The following ODF2 variants were observed in gnomAD, a reference collection of about 807,000 sequenced individuals.
ODF2 encodes the protein outer dense fiber protein 2.
A neutral mutation model predicts 110.2 loss-of-function variants in ODF2; 47 were observed. The observed-to-expected ratio is 0.43, with a 90% CI of 0.34 to 0.54. The LOEUF (loss-of-function observed/expected upper bound fraction) is 0.54. Among genes scored for constraint, ODF2 ranks in the 20% least tolerant of loss-of-function variants. The probability of loss-of-function intolerance (pLI) is 0.03; values close to 1 mark genes in which losing one functional copy is unlikely to be tolerated. For synonymous variants in ODF2, 352 were observed against 397.7 expected, an observed-to-expected ratio of 0.89 and a Z score of 1.37; for missense variants, 812 against 1,054.5, an observed-to-expected ratio of 0.77 and a Z score of 3.19.
exon 21 of ODF2, chr9:128,500,248 C>T (rs1846323492): frequency 3.7e-6 from 6 of 1,614,184 alleles, no homozygotes; most frequent in Non-Finnish European, 5.1e-6. Context: ...CGATCTCCTC[C>T]TGCCTGAGGC....
rs1377093503 is a variant in ODF2 at position 128,456,973 on chromosome 9, T to G, written c.-208-225T>G. ...CCGCCCCAGCATCCCCGCGGCTCCCTGCGCGGTTCTGGCCCTCTGGGGCCC... is the reference window on the plus strand; with the variant it reads ...CCGCCCCAGCATCCCCGCGGCTCCCGGCGCGGTTCTGGCCCTCTGGGGCCC... On this transcript the variant is annotated intron_variant, in intron 1 of 20. Coordinates refer to ENST00000604420, the Ensembl canonical transcript of ODF2. 59 of 1,235,474 alleles carry G rather than the reference T, an allele frequency of 4.8e-5. No homozygotes were observed. The East Asian group carries it at 2.7e-3, about 58-fold the overall frequency. 76.5% of individuals were successfully genotyped at this position (1,235,474 alleles called of 1,614,324 possible).
intron 4 of ODF2, chr9:128,461,366 A>G (rs995995042): frequency 6.0e-6 from 2 of 334,218 alleles, no homozygotes; most frequent in African/African-American, 4.1e-5. Context: ...TAGAGGCAGT[A>G]CTCTTAGCCT....
At chr9:128,492,145 G>C (rs977379709) in intron 14 of ODF2, among the ~76,000 whole-genome samples, 2 of 152,148 alleles carry the variant, frequency 1.3e-5, no homozygotes, top group African/African-American at 4.8e-5. Flanking sequence ...GATTATAGGC[G>C]TGAGCCACCG....
chr9:128,455,934 G>C (rs10819384), upstream of ODF2: 2 of 1,401,794 alleles, frequency 1.4e-6, no homozygotes, highest in African/African-American at 3.0e-5. Flanking sequence ...GGCGAGACCC[G>C]GCCAGGCCCG....
chr9:128,500,226 C>T (rs1245114121), exon 21 of ODF2: 1 of 1,614,100 alleles, frequency 6.2e-7, no homozygotes, highest in Non-Finnish European at 8.5e-7. Context: ...GACTAGCTCT[C>T]CCATCCGCTC....
chr9:128,479,917 G>GGTT (rs965040978), intron 8 of ODF2, among the ~76,000 whole-genome samples: 2 of 152,210 alleles, frequency 1.3e-5, no homozygotes, highest in African/African-American at 4.8e-5. Flanking sequence ...TAATGGTGAT[G>GGTT]GTTGTACAGT....
chr9:128,487,950 G>T (rs761794675), exon 14 of ODF2: 56 of 1,613,896 alleles, frequency 3.5e-5, no homozygotes, highest in Non-Finnish European at 4.3e-5. Context: ...GGGAAGACCG[G>T]GATAGCCTGG....
At chr9:128,492,608 C>A in intron 15 of ODF2, 72 bp downstream of exon 15, 1 of 1,515,824 alleles carries the variant, frequency 6.6e-7, no homozygotes, top group Non-Finnish European at 9.1e-7. Context: ...GGGCTCCCTA[C>A]CAGGCCACTC....
At chr9:128,471,193 C>T (rs1216309434) in intron 5 of ODF2, 115 bp from the exon 6 acceptor site, 141 of 1,068,836 alleles carry the variant, frequency 1.3e-4, no homozygotes, top group Admixed American at 3.9e-4. Flanking sequence ...GGATTACAGG[C>T]GTGAGCCACC....
intron 8 of ODF2, among the ~76,000 whole-genome samples, chr9:128,476,856 C>T (rs1350608299): frequency 6.6e-6 from 1 of 151,540 alleles, no homozygotes; most frequent in Non-Finnish European, 1.5e-5. Flanking sequence ...TCAGGCTGGT[C>T]TCGAACTCCT....
intron 6 of ODF2, among the ~76,000 whole-genome samples, chr9:128,472,166 G>C (rs1380587753): frequency 6.6e-6 from 1 of 151,968 alleles, no homozygotes; most frequent in African/African-American, 2.4e-5. Context: ...TATAATCCTA[G>C]CTACTCTGGA....
chr9:128,457,232 G>T, exon 2 of ODF2: 1 of 1,587,296 alleles, frequency 6.3e-7, no homozygotes, highest in Non-Finnish European at 8.5e-7. Context: ...GTAGAGGAGC[G>T]CCTCCCAAGT....
At chr9:128,489,428 G>A (rs960527137) in intron 14 of ODF2, among the ~76,000 whole-genome samples, 1 of 152,130 alleles carries the variant, frequency 6.6e-6, no homozygotes, top group East Asian at 1.9e-4. Flanking sequence ...TAATACCCCT[G>A]TAAAGGTAAC....
At chr9:128,468,768 C>T (rs1306578172) in intron 4 of ODF2, among the ~76,000 whole-genome samples, 1 of 152,072 alleles carries the variant, frequency 6.6e-6, no homozygotes, top group East Asian at 1.9e-4. Flanking sequence ...GTCATCCACC[C>T]GCCTCAGCCT....
At chr9:128,460,753 G>A in intron 3 of ODF2, 87 bp downstream of exon 3, 1 of 1,563,018 alleles carries the variant, frequency 6.4e-7, no homozygotes, top group Non-Finnish European at 8.7e-7. Context: ...GACTCCAAAG[G>A]TTTGGGAGAC....
chr9:128,496,731 T>TATC (rs1564531275), intron 18 of ODF2, among the ~76,000 whole-genome samples: 1 of 151,980 alleles, frequency 6.6e-6, no homozygotes, highest in Admixed American at 6.6e-5. Flanking sequence ...TCTATCTATC[T>TATC]ATCTATCTAT....
intron 11 of ODF2, 103 bp from the exon 12 acceptor site, chr9:128,484,598 T>TGCTC: frequency 8.0e-7 from 1 of 1,254,092 alleles, no homozygotes; most frequent in Non-Finnish European, 1.1e-6. Flanking sequence ...GTTTCCTCTT[T>TGCTC]GCTCTTGCCT....
intron 13 of ODF2, among the ~76,000 whole-genome samples, chr9:128,487,012 C>T (rs145236330): frequency 1.3e-5 from 2 of 152,250 alleles, no homozygotes; most frequent in African/African-American, 4.8e-5. Flanking sequence ...TGTCTCTGGT[C>T]CTTGCCTTCA....
intron 13 of ODF2, among the ~76,000 whole-genome samples, chr9:128,487,570 G>A (rs1156487331): frequency 3.3e-5 from 5 of 151,966 alleles, no homozygotes; most frequent in Admixed American, 2.0e-4. Flanking sequence ...GGCAGATCAC[G>A]AGGTCAGGAG....
Sources: gnomAD v4.1 joint callset for allele counts (sites outside exome capture counted in the v4.1 genomes callset) on GRCh38, gnomAD v4.1.1 for gene constraint, MANE v1.5 for transcripts, NCBI Gene and HGNC (gene_info 2026-07-23, HGNC 2026-07-21) for gene names.